The following TRRAP variants were observed in gnomAD, a reference collection of about 807,000 sequenced individuals.
TRRAP encodes transformation/transcription domain-associated protein.
A neutral mutation model predicts 438.8 loss-of-function variants in TRRAP; 41 were observed. That is an observed-to-expected ratio of 0.09 (90% CI 0.07 to 0.12). The LOEUF (loss-of-function observed/expected upper bound fraction) is 0.12, where lower values mean the gene tolerates loss of function less well. TRRAP is among the 10% of genes least tolerant of loss of function. The pLI, the probability that TRRAP is intolerant of heterozygous loss-of-function variation, is 1.00. For synonymous variants in TRRAP, 1,994 were observed against 1,962.9 expected (o/e 1.02, Z -0.42); for missense variants, 3,122 against 5,055.1 (o/e 0.62, Z 11.60).
intron 51 of TRRAP, 98 bp downstream of exon 51, chr7:98,967,796 T>C: frequency 1.8e-6 from 2 of 1,084,260 alleles, no homozygotes; most frequent in South Asian, 3.0e-5. Context: ...CTGAGATGAA[T>C]TGGAAATCTC....
chr7:98,947,662 G>A (rs1232678094), intron 33 of TRRAP, among the ~76,000 whole-genome samples: 4 of 152,108 alleles, frequency 2.6e-5, no homozygotes, highest in African/African-American at 7.2e-5. Flanking sequence ...CGCCATGTTG[G>A]CCAGGCTGGT....
chr7:99,011,989 T>G lies in TRRAP; in HGVS notation c.11338-82T>G. The G allele has an allele frequency of 6.5e-7, 1 of 1,542,060 alleles. No individual in the cohort carries two copies. Among genetic ancestry groups the G allele is most frequent in the Non-Finnish European group, 8.8e-7 (1 of 1,138,124 alleles). ...TGGTGGCCCTGAGCGGCCGCTGTGG[T>G]TGAGTCCCACCTTGTTAGGAAGCTG... On this transcript the variant is annotated intron_variant, in intron 72 of 72. Coordinates refer to ENST00000456197, the MANE Select transcript of TRRAP (RefSeq NM_001375524.1). The surrounding 1 kb of genome is among the most constrained non-coding windows in gnomAD (Gnocchi z 7.1).
intron 58 of TRRAP, among the ~76,000 whole-genome samples, chr7:98,981,510 G>A (rs1292589771): frequency 6.6e-6 from 1 of 152,208 alleles, no homozygotes; most frequent in Non-Finnish European, 1.5e-5. Flanking sequence ...AACAACTGAT[G>A]ACCTTAAAGC....
At position 98,967,487 on chromosome 7, in the gene TRRAP, A is replaced by T. The variant is rs755807452; in HGVS notation, c.7301A>T (p.Asp2434Val). The T allele has an allele frequency of 1.2e-6, 2 of 1,613,602 alleles. No homozygotes were observed. Among genetic ancestry groups the T allele is most frequent in the East Asian group, 2.2e-5 (1 of 44,824 alleles). The change falls in exon 51 of 73, where the codon GAT becomes GTT. Residue 2434 changes from aspartate to valine, a missense_variant and splice_region_variant. This residue lies in a region of TRRAP where 992 missense variants were observed against 1,281.2 expected (regional missense o/e 0.77). Coordinates refer to ENST00000456197, the MANE Select transcript of TRRAP (RefSeq NM_001375524.1). The stretch of plus-strand genomic sequence containing the variant: ...CTGTCTCTGACTTGGTGTTACAGGG[A>T]TGAGACCCTCTCTGGCAGCGAGCTG... ...FLDLVNYVYRDETLSGSELTA... is the reference protein window; with the variant it reads ...FLDLVNYVYRVETLSGSELTA...
At position 98,967,018 on chromosome 7, in the gene TRRAP, G is replaced by A. The variant is rs761995332; in HGVS notation, c.7177-23G>A. ...AGATGGTTGAAATACTTTTAACTGCGTCTTTTCTCAAATTTCATACAGACA... is the reference window on the plus strand; with the variant it reads ...AGATGGTTGAAATACTTTTAACTGCATCTTTTCTCAAATTTCATACAGACA... On this transcript the variant is annotated intron_variant, in intron 49 of 72. Transcript: ENST00000456197. 18 of 1,594,072 alleles carry A rather than the reference G, an allele frequency of 1.1e-5. No homozygotes were observed. In the African/African-American group the frequency reaches 1.4e-4, roughly 12 times the overall value.
chr7:98,895,051 TA>T (rs1360471071), intron 6 of TRRAP, among the ~76,000 whole-genome samples: 1 of 152,122 alleles, frequency 6.6e-6, no homozygotes, highest in Non-Finnish European at 1.5e-5. Flanking sequence ...TTCACAGTCA[TA>T]AAAAATTCTG....
chr7:98,931,438 A>G lies in TRRAP; in HGVS notation c.3625A>G (p.Thr1209Ala). Residue 1209 changes from threonine (T) to alanine (A), a missense_variant, in exon 26 of 73, where the codon ACG (threonine) becomes GCG (alanine). Physicochemically the swap from Thr to Ala is moderately conservative, Grantham distance 58. This residue lies in a region of TRRAP where 153 missense variants were observed against 223.0 expected (regional missense o/e 0.69). Transcript: ENST00000456197. ...SNGAVAMAKT[T>A]LEQLLMRCAT... Reference sequence around the variant, plus strand: ...TGGGGCAGTCGCTATGGCAAAGACCACGCTGGAGCAGCTTCTGATGCGGTG... The same window carrying G: ...TGGGGCAGTCGCTATGGCAAAGACCGCGCTGGAGCAGCTTCTGATGCGGTG... The G allele has an allele frequency of 6.2e-7, 1 of 1,614,140 alleles. No homozygotes were observed.
chr7:98,909,915 T>G, intron 14 of TRRAP, 141 bp from the exon 15 acceptor site: 1 of 1,422,938 alleles, frequency 7.0e-7, no homozygotes, highest in Non-Finnish European at 9.1e-7. Context: ...CTGCAATTCC[T>G]TTGACACCAA....
chr7:98,980,995 T>C (rs1792889298), intron 58 of TRRAP, among the ~76,000 whole-genome samples: 1 of 152,000 alleles, frequency 6.6e-6, no homozygotes, highest in Non-Finnish European at 1.5e-5. Flanking sequence ...GGCTGTAGTG[T>C]GCTATGAGCA....
chr7:98,992,002 A>G (rs1445816357), intron 64 of TRRAP, 135 bp from the exon 65 acceptor site: 3 of 892,064 alleles, frequency 3.4e-6, no homozygotes, highest in Admixed American at 3.6e-5. Context: ...TCAGTGCTGC[A>G]GTATTTGCTT....
chr7:98,906,384 G>T, intron 13 of TRRAP, 129 bp downstream of exon 13: 1 of 448,596 alleles, frequency 2.2e-6, no homozygotes, highest in Non-Finnish European at 3.9e-6. Flanking sequence ...GTTAGCAAGT[G>T]CAGGATTTTT....
intron 52 of TRRAP, among the ~76,000 whole-genome samples, chr7:98,971,086 C>T (rs1035139273): frequency 2.6e-5 from 4 of 152,188 alleles, no homozygotes; most frequent in Non-Finnish European, 5.9e-5. Flanking sequence ...CTTCTTTGCT[C>T]TAAAAGGGGT....
chr7:98,999,649 C>T, intron 67 of TRRAP: 1 of 925,386 alleles, frequency 1.1e-6, no homozygotes, highest in South Asian at 1.4e-5. Flanking sequence ...CAATTTGCCA[C>T]TAAGTGTGAA....
rs556419070 is a variant in TRRAP at position 98,983,324 on chromosome 7, A to T, written c.8887A>T (p.Thr2963Ser). The T allele has an allele frequency of 6.2e-7, 1 of 1,614,212 alleles. No homozygotes were observed. Among genetic ancestry groups the T allele is most frequent in the East Asian group, 2.2e-5 (1 of 44,880 alleles). Residue 2963 changes from threonine to serine, a missense_variant, in exon 60 of 73, where the codon ACC becomes TCC. This residue lies in a region of TRRAP where 129 missense variants were observed against 279.2 expected (regional missense o/e 0.46). Coordinates refer to ENST00000456197, the MANE Select transcript of TRRAP (RefSeq NM_001375524.1). ...AAQINAGLQPTNLGRNNSLHD... is the reference protein window; with the variant it reads ...AAQINAGLQPSNLGRNNSLHD... ...ACAAATCAACGCAGGCTTACAGCCA[A>T]CCAACCTGGGAAGGAACAACAGCCT...
chr7:98,885,644 A>C (rs1554403839), intron 3 of TRRAP, among the ~76,000 whole-genome samples: 1 of 152,014 alleles, frequency 6.6e-6, no homozygotes. Flanking sequence ...CTTCTGCTCA[A>C]GCTGCTAAAA....
At chr7:98,987,128 C>CA (rs896654544) in intron 62 of TRRAP, among the ~76,000 whole-genome samples, 6 of 152,106 alleles carry the variant, frequency 3.9e-5, no homozygotes, top group African/African-American at 1.2e-4. Context: ...TTCCAAAACC[C>CA]AAAAAACAAA....
rs1274508592 is a variant in TRRAP at position 99,012,466 on chromosome 7, T to A, written c.*111T>A. On this transcript the variant is annotated 3_prime_UTR_variant, in exon 73 of 73. Coordinates refer to ENST00000456197, the MANE Select transcript of TRRAP (RefSeq NM_001375524.1). The surrounding 1 kb of genome is among the most constrained non-coding windows in gnomAD (Gnocchi z 5.9). ...TTATATTCACAGAAGCCCCATAGTT[T>A]CACTGGGTTGCGGTTATTTTCCTGG... 29 of 1,297,566 alleles carry A rather than the reference T, an allele frequency of 2.2e-5. No homozygotes were observed. The East Asian group carries it at 4.8e-4, about 22-fold the overall frequency. 80.4% of individuals were successfully genotyped at this position (1,297,566 alleles called of 1,614,324 possible).
rs1479214250 is a variant in TRRAP at position 98,965,758 on chromosome 7, A to G, written c.7039A>G (p.Met2347Val). The G allele has an allele frequency of 6.2e-7, 1 of 1,614,158 alleles. No homozygotes were observed. The highest frequency in any genetic ancestry group is 1.3e-5 in the African/African-American group (1 of 75,042). ...LVKTRLAVMS[M>V]EMRKNFIQAI... ...GAAGACGCGCCTGGCAGTGATGAGC[A>G]TGGAGATGCGGAAGAACTTCATCCA... is the stretch of plus-strand genomic sequence containing the variant. Residue 2347 changes from methionine (M) to valine (V), a missense_variant, in exon 49 of 73, where the codon ATG (methionine) becomes GTG (valine). This residue lies in a region of TRRAP where 992 missense variants were observed against 1,281.2 expected (regional missense o/e 0.77). Coordinates refer to ENST00000456197, the MANE Select transcript of TRRAP (RefSeq NM_001375524.1).
At chr7:98,932,358 C>G (rs1790361505) in intron 26 of TRRAP, among the ~76,000 whole-genome samples, 1 of 152,196 alleles carries the variant, frequency 6.6e-6, no homozygotes, top group African/African-American at 2.4e-5. Flanking sequence ...CATGATCCGC[C>G]TGCTTTGGCC....
Sources: gnomAD v4.1 joint callset for allele counts (sites outside exome capture counted in the v4.1 genomes callset) on GRCh38, gnomAD v4.1.1 for gene constraint, gnomAD v4.1.1 regional missense constraint, Gnocchi (gnomAD v3.1) non-coding constraint, MANE v1.5 for transcripts, NCBI Gene and HGNC (gene_info 2026-07-23, HGNC 2026-07-21) for gene names.